MBTD1: variants seen among roughly 807,000 people sequenced by gnomAD.
MBTD1 encodes the protein MBT domain-containing protein 1.
In MBTD1, 24 loss-of-function variants were observed where a neutral mutation model predicts 87.8. That is an observed-to-expected ratio of 0.27 (90% CI 0.20 to 0.38). The LOEUF is 0.38. Among genes scored for constraint, MBTD1 ranks in the 10% least tolerant of loss-of-function variants. The pLI is 1.00. For missense variants in MBTD1, 436 were observed against 760.2 expected (o/e 0.57, Z 5.02); for synonymous variants, 237 against 248.6 (o/e 0.95, Z 0.44).
At position 51,178,667 on chromosome 17, in the gene MBTD1, A is replaced by G. The variant is rs2050178064; in HGVS notation, c.*1909T>C. 1.3e-5 allele frequency: 2 copies of G among 152,232 alleles called. No homozygotes were observed. Among genetic ancestry groups the G allele is most frequent in the South Asian group, 4.1e-4 (2 of 4,828 alleles). The allele number at this position is 152,232 out of a possible 1,614,324, so 9.4% of individuals were successfully genotyped here. On this transcript the variant is annotated 3_prime_UTR_variant, in exon 17 of 17. Transcript: ENST00000586178. ...TTTAAGTTTACAAGAAGATTTTTCA[A>G]AGTTAAAGATATGGGAAGTGTGAGG...
rs560559952 is a variant in MBTD1 at position 51,193,422 on chromosome 17, A to C, written c.1455+6T>G. On this transcript the variant is annotated splice_donor_region_variant and intron_variant, in intron 14 of 16. Transcript: ENST00000586178. ...CTCACATAATTATGCTGCCATTTAA[A>C]TTTACCTTATTAAATAGTTTTACTG... 6.3e-7 allele frequency: 1 copy of C among 1,596,696 alleles called. No homozygotes were observed. Among genetic ancestry groups the C allele is most frequent in the African/African-American group, 1.3e-5 (1 of 74,642 alleles).
intron 12 of MBTD1, among the ~76,000 whole-genome samples, chr17:51,199,770 T>C (rs1397415707): frequency 6.6e-6 from 1 of 152,118 alleles, no homozygotes; most frequent in African/African-American, 2.4e-5. Context: ...GCCAGTCTTG[T>C]CCAGCTGTCT....
upstream of MBTD1, chr17:51,260,474 C>A: frequency 8.3e-7 from 1 of 1,205,430 alleles, no homozygotes; most frequent in Non-Finnish European, 1.1e-6. Context: ...CAAGAGGCTG[C>A]GCAGGCTCCT....
upstream of MBTD1, chr17:51,260,569 C>G: frequency 6.2e-7 from 1 of 1,604,362 alleles, no homozygotes; most frequent in Non-Finnish European, 8.5e-7. Flanking sequence ...GCCTGCGTTT[C>G]TCCTCAAACC....
chr17:51,248,872 ATTTG>A (rs909464727), intron 2 of MBTD1, among the ~76,000 whole-genome samples: 8 of 152,034 alleles, frequency 5.3e-5, no homozygotes, highest in African/African-American at 1.4e-4. Flanking sequence ...TGCTTTTTGA[ATTTG>A]TTTTTGTTTT....
At chr17:51,227,840 T>C (rs1165921377) in intron 2 of MBTD1, among the ~76,000 whole-genome samples, 1 of 151,206 alleles carries the variant, frequency 6.6e-6, no homozygotes, top group Non-Finnish European at 1.5e-5. Context: ...TAGTCCCAGC[T>C]ACTTGGGAGG....
Position 51,195,320 on chromosome 17 carries a change from T to C in MBTD1, c.1266A>G (p.Ser422=). Residue 422 remains serine (S), a synonymous_variant, in exon 13 of 17, where the codon TCA becomes TCG. Coordinates refer to ENST00000586178, the MANE Select transcript of MBTD1 (RefSeq NM_017643.3). ...ACCAGTCAGATCCGTCTGCTGCTTC[T>C]GAGCCATCGATCCCAATCATCAGGA... ...DGFLMIGIDG[S]EAADGSDWFC... 1 of 1,612,030 alleles carries C rather than the reference T, an allele frequency of 6.2e-7. No individual in the cohort carries two copies.
intron 8 of MBTD1, among the ~76,000 whole-genome samples, chr17:51,203,526 T>C (rs530075701): frequency 6.6e-6 from 1 of 152,302 alleles, no homozygotes; most frequent in East Asian, 1.9e-4. Flanking sequence ...GCGATTCTTC[T>C]GCCTCAGCCT....
chr17:51,242,223 T>C (rs2054197621), intron 2 of MBTD1, among the ~76,000 whole-genome samples: 1 of 152,212 alleles, frequency 6.6e-6, no homozygotes, highest in Non-Finnish European at 1.5e-5. Flanking sequence ...GTATGTGACA[T>C]ATATATACAC....
At chr17:51,254,400 T>C (rs1210625262) in intron 2 of MBTD1, among the ~76,000 whole-genome samples, 1 of 152,152 alleles carries the variant, frequency 6.6e-6, no homozygotes, top group Non-Finnish European at 1.5e-5. Flanking sequence ...ACAAATTCAA[T>C]GTGCAAGCAA....
chr17:51,260,485 T>C (rs952769239), upstream of MBTD1: 11 of 1,344,562 alleles, frequency 8.2e-6, no homozygotes, highest in Non-Finnish European at 1.1e-5. Context: ...GCAGGCTCCT[T>C]CCGGCCCCCG....
At chr17:51,252,340 T>C (rs2054836537) in intron 2 of MBTD1, among the ~76,000 whole-genome samples, 1 of 152,168 alleles carries the variant, frequency 6.6e-6, no homozygotes, top group African/African-American at 2.4e-5. Flanking sequence ...TCCCCAATAC[T>C]GGTTCTGTCA....
intron 2 of MBTD1, among the ~76,000 whole-genome samples, chr17:51,232,708 T>G (rs2053611044): frequency 6.6e-6 from 1 of 152,018 alleles, no homozygotes. Flanking sequence ...AAGGCAATGT[T>G]GAATTAGATA....
chr17:51,246,332 C>T (rs946029189), intron 2 of MBTD1, among the ~76,000 whole-genome samples: 2 of 152,188 alleles, frequency 1.3e-5, no homozygotes, highest in Non-Finnish European at 2.9e-5. Flanking sequence ...GTCACTATCT[C>T]AGTTGCCTAT....
chr17:51,188,089 T>C (rs528672223), intron 16 of MBTD1, among the ~76,000 whole-genome samples: 13 of 152,178 alleles, frequency 8.5e-5, no homozygotes, highest in Non-Finnish European at 1.6e-4. Context: ...CAAAATCACA[T>C]GCAGCAACAA....
At chr17:51,212,440 T>G (rs973331988) in intron 6 of MBTD1, among the ~76,000 whole-genome samples, 1 of 118,194 alleles carries the variant, frequency 8.5e-6, no homozygotes, top group Non-Finnish European at 1.6e-5. Flanking sequence ...ACAAATGACT[T>G]TTTTTTTTTT....
intron 16 of MBTD1, chr17:51,185,515 AGGTATTG>A (rs2050496046): frequency 1.3e-5 from 2 of 152,370 alleles, no homozygotes; most frequent in Non-Finnish European, 2.9e-5. Flanking sequence ...AATAAAATGC[AGGTATTG>A]AATTTCCAAA....
rs1568138370 is a variant in MBTD1 at position 51,180,701 on chromosome 17, G to C, written c.1769-7C>G. 16 of 1,433,640 alleles carry C rather than the reference G, an allele frequency of 1.1e-5. No individual in the cohort carries two copies. The highest frequency in any genetic ancestry group is 1.7e-4 in the Middle Eastern group (1 of 5,790). The allele number at this position is 1,433,640 out of a possible 1,614,324, so 88.8% of individuals were successfully genotyped here. On this transcript the variant is annotated splice_polypyrimidine_tract_variant and splice_region_variant and intron_variant, in intron 16 of 16. Transcript: ENST00000586178. ...TTCAGCTGCAGTGTTGTCACTGAAT[G>C]AAAGAGAGAGAAACATATGGGCATT...
chr17:51,256,663 A>G (rs2055107414), intron 2 of MBTD1: 1 of 152,218 alleles, frequency 6.6e-6, no homozygotes. Context: ...AAACAGCAAA[A>G]TTAAAAATTG....
Sources: allele counts gnomAD v4.1 joint callset (sites outside exome capture counted in the v4.1 genomes callset), GRCh38; gene constraint gnomAD v4.1.1; transcripts MANE v1.5; gene names NCBI Gene and HGNC (gene_info 2026-07-23, HGNC 2026-07-21).